The following PITPNC1 variants were observed in gnomAD, a reference collection of about 807,000 sequenced individuals.
The protein encoded by PITPNC1 is phosphatidylinositol transfer protein cytoplasmic 1, also known as cytoplasmic phosphatidylinositol transfer protein 1.
PITPNC1 carries 18 observed loss-of-function variants against 44.7 expected under a neutral mutation model. That is an observed-to-expected ratio of 0.40 (90% CI 0.28 to 0.60). The LOEUF (loss-of-function observed/expected upper bound fraction) is 0.60. Ranked by LOEUF, PITPNC1 falls within the 20% of genes least tolerant of loss-of-function variation. The pLI, the probability that PITPNC1 is intolerant of heterozygous loss-of-function variation, is 0.39. For missense variants in PITPNC1, 290 were observed against 418.4 expected (o/e 0.69, Z 2.68); for synonymous variants, 141 against 149.6 (o/e 0.94, Z 0.42).
intron 1 of PITPNC1, among the ~76,000 whole-genome samples, chr17:67,455,013 G>T (rs1357018932): frequency 6.6e-6 from 1 of 151,880 alleles, no homozygotes; most frequent in Non-Finnish European, 1.5e-5. Flanking sequence ...TAGAGATGGG[G>T]TCTTGCTATG....
intron 1 of PITPNC1, among the ~76,000 whole-genome samples, chr17:67,513,489 G>GTGTA (rs772483698): frequency 0.096 from 13,235 of 138,512 alleles, 761 homozygotes; most frequent in African/African-American, 0.13. Context: ...GTGTGTGTGT[G>GTGTA]TATATATATA....
intron 1 of PITPNC1, among the ~76,000 whole-genome samples, chr17:67,405,766 C>T (rs1432262861): frequency 6.6e-6 from 1 of 151,816 alleles, no homozygotes; most frequent in Non-Finnish European, 1.5e-5. Context: ...CCACCACGCT[C>T]AGCTAATTTT....
At chr17:67,451,433 A>G (rs997248526) in intron 1 of PITPNC1, among the ~76,000 whole-genome samples, 2 of 152,146 alleles carry the variant, frequency 1.3e-5, no homozygotes, top group South Asian at 2.1e-4. Context: ...AAATCCATAC[A>G]TCTGTGCAGC....
At chr17:67,479,007 C>T (rs1417777614) in intron 1 of PITPNC1, among the ~76,000 whole-genome samples, 1 of 152,010 alleles carries the variant, frequency 6.6e-6, no homozygotes. Flanking sequence ...GCCAGGTTAC[C>T]TCGGTGTCAA....
intron 1 of PITPNC1, among the ~76,000 whole-genome samples, chr17:67,477,755 C>T (rs2039650544): frequency 6.6e-6 from 1 of 152,092 alleles, no homozygotes; most frequent in African/African-American, 2.4e-5. Context: ...TGTGAGTGGC[C>T]TCCATCGAGG....
intron 1 of PITPNC1, among the ~76,000 whole-genome samples, chr17:67,517,065 C>A (rs549133137): frequency 2.9e-4 from 44 of 152,328 alleles, no homozygotes; most frequent in African/African-American, 1.0e-3. Context: ...TAGCTTCTCA[C>A]TCTGATTGTA....
intron 4 of PITPNC1, among the ~76,000 whole-genome samples, chr17:67,569,996 C>G (rs2041031191): frequency 1.3e-5 from 2 of 152,150 alleles, no homozygotes; most frequent in Non-Finnish European, 2.9e-5. Flanking sequence ...AAATGACTCA[C>G]TGATTTCCCC....
In PITPNC1 at chr17:67,585,117, A is replaced by AG. The variant is rs1272234762; in HGVS notation, c.366+6861dup. Among the ~76,000 whole-genome samples the AG allele has an allele frequency of 8.8e-3, 1,169 of 133,218 alleles. 23 individuals are homozygous for AG. Among genetic ancestry groups the AG allele is most frequent in the African/African-American group, 0.031 (1,083 of 35,048 alleles). The allele number at this position is 133,218 out of a possible 152,430, so 87.4% of individuals were successfully genotyped here. A position where few individuals can be genotyped will look rare whatever the true frequency, so the allele number is the denominator to read the frequency against. The stretch of plus-strand genomic sequence containing the variant: ...AGCAACAAGAGTGAAACTCCATCTC[A>AG]GAAAAAAAAAAAAAAAAAACCAGAC... On this transcript the variant is annotated intron_variant, in intron 5 of 8. Transcript: ENST00000581322.
chr17:67,434,843 T>G (rs2038912614), intron 1 of PITPNC1, among the ~76,000 whole-genome samples: 1 of 150,400 alleles, frequency 6.6e-6, no homozygotes, highest in Non-Finnish European at 1.5e-5. Context: ...GCTAGGTGGC[T>G]CACGCCTGTA....
At chr17:67,455,662 G>A (rs990357431) in intron 1 of PITPNC1, among the ~76,000 whole-genome samples, 1 of 151,680 alleles carries the variant, frequency 6.6e-6, no homozygotes, top group Non-Finnish European at 1.5e-5. Context: ...GACTGGTCTC[G>A]AACTGCTGAC....
chr17:67,539,286 A>T (rs1233226000), intron 2 of PITPNC1, among the ~76,000 whole-genome samples: 1 of 152,218 alleles, frequency 6.6e-6, no homozygotes, highest in African/African-American at 2.4e-5. Flanking sequence ...ACATATATAC[A>T]TTCCACTTAA....
intron 2 of PITPNC1, among the ~76,000 whole-genome samples, chr17:67,535,338 G>A (rs903789128): frequency 1.3e-5 from 2 of 152,086 alleles, no homozygotes; most frequent in African/African-American, 2.4e-5. Flanking sequence ...TTCTCCTCGG[G>A]GATCACCTCT....
intron 1 of PITPNC1, among the ~76,000 whole-genome samples, chr17:67,470,695 G>A (rs1364905714): frequency 6.6e-6 from 1 of 152,178 alleles, no homozygotes; most frequent in Non-Finnish European, 1.5e-5. Flanking sequence ...ACCCCGTCTG[G>A]GAGGTGTACC....
Position 67,450,145 on chromosome 17 carries a change from T to C in PITPNC1, c.48+71943T>C, listed in dbSNP as rs557953842. ...AAACCACATTTCAGGTTTGCTCTTA[T>C]GATTTAGAAGTAAATTTAGAATCAG... On this transcript the variant is annotated intron_variant, in intron 1 of 8. Transcript: ENST00000581322. Among the ~76,000 whole-genome samples, 6 of 152,246 alleles carry C rather than the reference T, an allele frequency of 3.9e-5. 1 individual carries two copies. The highest frequency in any genetic ancestry group is 4.1e-4 in the South Asian group (2 of 4,828).
intron 5 of PITPNC1, among the ~76,000 whole-genome samples, chr17:67,616,466 A>T (rs2041758928): frequency 6.6e-6 from 1 of 152,072 alleles, no homozygotes; most frequent in Non-Finnish European, 1.5e-5. Context: ...AGTTACCATG[A>T]TCTAGGGCAC....
intron 5 of PITPNC1, among the ~76,000 whole-genome samples, chr17:67,610,969 C>G (rs1025127991): frequency 6.7e-6 from 1 of 150,176 alleles, no homozygotes; most frequent in Admixed American, 6.6e-5. Context: ...ATTTTCTAAA[C>G]TTTGACATCT....
intron 6 of PITPNC1, among the ~76,000 whole-genome samples, chr17:67,667,602 T>C (rs928042272): frequency 1.3e-5 from 2 of 151,438 alleles, no homozygotes; most frequent in African/African-American, 4.9e-5. Flanking sequence ...AAAAATAATC[T>C]TCTAATGAAA....
At chr17:67,395,966 GA>G in intron 1 of PITPNC1, among the ~76,000 whole-genome samples, 2 of 152,304 alleles carry the variant, frequency 1.3e-5, no homozygotes, top group South Asian at 4.1e-4. Flanking sequence ...TGTTCAAAAT[GA>G]AAAATCTTTA....
intron 1 of PITPNC1, among the ~76,000 whole-genome samples, chr17:67,390,073 CAG>C (rs1249414398): frequency 6.6e-6 from 1 of 151,872 alleles, no homozygotes. Context: ...CATTGAGAGG[CAG>C]AGAGTGCCGA....
Sources: allele counts gnomAD v4.1 joint callset (sites outside exome capture counted in the v4.1 genomes callset), GRCh38; gene constraint gnomAD v4.1.1; transcripts MANE v1.5; gene names NCBI Gene and HGNC (gene_info 2026-07-23, HGNC 2026-07-21).